AGT: variants seen among roughly 807,000 people sequenced by gnomAD.
The protein encoded by AGT is alpha-1 antiproteinase, antitrypsin.
In AGT, 26 loss-of-function variants were observed where a neutral mutation model predicts 28.1. The observed-to-expected ratio is 0.92, with a 90% CI of 0.68 to 1.28. The LOEUF is 1.28. AGT is among the 50% of genes most tolerant of loss of function. AGT has a pLI of 0.00. For missense variants in AGT, 596 were observed against 592.3 expected (o/e 1.01, Z -0.06); for synonymous variants, 259 against 259.6 (o/e 1.00, Z 0.02).
chr1:230,740,425 C>G (rs1664227670), intron 1 of AGT, among the ~76,000 whole-genome samples: 1 of 152,126 alleles, frequency 6.6e-6, no homozygotes, highest in South Asian at 2.1e-4. Context: ...CTTATTTTAC[C>G]CAACCCCTAT....
chr1:230,710,668 C>T lies in AGT; in HGVS notation c.156G>A (p.Lys52=), dbSNP rs773840793. The T allele has an allele frequency of 6.2e-7, 1 of 1,614,128 alleles. No individual in the cohort carries two copies. The highest frequency in any genetic ancestry group is 2.2e-5 in the East Asian group (1 of 44,884). The change falls in exon 2 of 5, where the codon AAG becomes AAA. Residue 52 remains lysine (K), a synonymous_variant. Coordinates refer to ENST00000366667, the MANE Select transcript of AGT (RefSeq NM_001384479.1). ...CAGGTATGAAGGTGGGGTCTTTGGG[C>T]TTCCCGGCATTGGCCTTTGCCAGCT... ...CEQLAKANAG[K]PKDPTFIPAP...
chr1:230,703,896 G>T lies in AGT; in HGVS notation c.1242+297C>A, dbSNP rs552275344. On this transcript the variant is annotated intron_variant, in intron 4 of 4. Transcript: ENST00000366667. Reference sequence around the variant, plus strand: ...AGGGGTGCTTGCTGTCTTCATCCCGGTTTCAACTCCACTATAGGAACCCTG... The same window carrying T: ...AGGGGTGCTTGCTGTCTTCATCCCGTTTTCAACTCCACTATAGGAACCCTG... 3.2e-4 allele frequency among the ~76,000 whole-genome samples: 48 copies of T among 152,284 alleles called. 1 individual carries two copies. The highest frequency in any genetic ancestry group is 9.8e-4 in the Admixed American group (15 of 15,302).
In AGT at chr1:230,705,920, G is replaced by T. The variant is rs764728122; in HGVS notation, c.1097+13C>A. 2 of 1,613,828 alleles carry T rather than the reference G, an allele frequency of 1.2e-6. No individual in the cohort carries two copies. Among genetic ancestry groups the T allele is most frequent in the Non-Finnish European group, 1.7e-6 (2 of 1,179,846 alleles). On this transcript the variant is annotated intron_variant, in intron 3 of 4. Coordinates refer to ENST00000366667, the MANE Select transcript of AGT (RefSeq NM_001384479.1). ...TGGCTCCCACATTCCAGGGGAGACC[G>T]GGAGGCTCCTACCGGGGAGATAGTT...
intron 1 of AGT, among the ~76,000 whole-genome samples, chr1:230,725,359 G>C (rs1571984102): frequency 6.6e-6 from 1 of 152,154 alleles, no homozygotes; most frequent in Non-Finnish European, 1.5e-5. Context: ...TCAGTAGAGG[G>C]AAGGACCATG....
intron 1 of AGT, among the ~76,000 whole-genome samples, chr1:230,711,350 G>A (rs1327326916): frequency 6.6e-6 from 1 of 152,110 alleles, no homozygotes; most frequent in African/African-American, 2.4e-5. Context: ...AGGACCCAGA[G>A]GAAACCAACT....
intron 2 of AGT, 62 bp from the exon 3 acceptor site, chr1:230,706,262 C>A: frequency 6.4e-7 from 1 of 1,571,832 alleles, no homozygotes; most frequent in Non-Finnish European, 8.7e-7. Context: ...GGAATGAGGG[C>A]TGGCAGACAC....
upstream of AGT, among the ~76,000 whole-genome samples, chr1:230,718,538 C>G (rs1001037488): frequency 7.2e-5 from 11 of 151,828 alleles, no homozygotes; most frequent in Admixed American, 1.3e-4. Flanking sequence ...CCTCCCTGCT[C>G]TCCTCCTCAA....
intron 1 of AGT, among the ~76,000 whole-genome samples, chr1:230,723,930 A>G (rs1663891220): frequency 6.6e-6 from 1 of 152,238 alleles, no homozygotes; most frequent in Admixed American, 6.5e-5. Flanking sequence ...TCCAATGTAC[A>G]TTCCAGGAGC....
chr1:230,727,907 A>G (rs1366593559), intron 1 of AGT, among the ~76,000 whole-genome samples: 2 of 152,200 alleles, frequency 1.3e-5, no homozygotes, highest in Non-Finnish European at 2.9e-5. Flanking sequence ...TGCAATAGAG[A>G]AAGAGTTTTA....
Position 230,704,270 on chromosome 1 carries a change from G to C in AGT, c.1165C>G (p.Gln389Glu). The change falls in exon 4 of 5, where the codon CAG becomes GAG. Residue 389 changes from glutamine (Q) to glutamate (E), a missense_variant. Physicochemically the swap from Gln to Glu is conservative, Grantham distance 29. Transcript: ENST00000366667. Reference protein sequence around the residue: ...GSYDLQDLLAQAELPAILHTE... With the variant: ...GSYDLQDLLAEAELPAILHTE... ...TGCAGAATGGCGGGCAGCTCAGCCT[G>C]GGCGAGCAGGTCCTGCAGGTCATAA... 6.2e-7 allele frequency: 1 copy of C among 1,614,260 alleles called. No individual in the cohort carries two copies. Among genetic ancestry groups the C allele is most frequent in the Non-Finnish European group, 8.5e-7 (1 of 1,180,052 alleles).
At chr1:230,725,932 G>A (rs775507378) in intron 1 of AGT, among the ~76,000 whole-genome samples, 1 of 151,810 alleles carries the variant, frequency 6.6e-6, no homozygotes, top group East Asian at 2.0e-4. Context: ...ATCATGAAGA[G>A]AAGTGCCCAC....
intron 1 of AGT, among the ~76,000 whole-genome samples, chr1:230,737,717 T>C (rs1004914258): frequency 6.6e-5 from 10 of 152,234 alleles, no homozygotes; most frequent in African/African-American, 2.4e-4. Context: ...TTTATCTTTT[T>C]AAGATAGCTT....
At chr1:230,711,235 G>T (rs1663580940) in intron 1 of AGT, among the ~76,000 whole-genome samples, 1 of 152,120 alleles carries the variant, frequency 6.6e-6, no homozygotes, top group African/African-American at 2.4e-5. Flanking sequence ...ATGAGAAGAG[G>T]AGATGAGGAC....
intron 1 of AGT, among the ~76,000 whole-genome samples, chr1:230,734,265 A>T (rs1382115707): frequency 1.3e-5 from 2 of 152,196 alleles, no homozygotes; most frequent in Non-Finnish European, 1.5e-5. Flanking sequence ...TGAAGACATT[A>T]TGCTAAGTAA....
chr1:230,734,083 AC>A (rs1459393718), intron 1 of AGT, among the ~76,000 whole-genome samples: 1 of 152,132 alleles, frequency 6.6e-6, no homozygotes, highest in Non-Finnish European at 1.5e-5. Flanking sequence ...CCTGGCACAT[AC>A]TGGAGTTTGT....
Position 230,729,254 on chromosome 1 carries a change from C to T in AGT, c.-31+16261G>A, listed in dbSNP as rs901131120. On this transcript the variant is annotated intron_variant, in intron 1 of 4. Coordinates refer to the AGT transcript ENST00000681269. ...CAGCCTGTTGGCGCCAAACAGCCTC[C>T]AGCCCTAATTGCTCTTCCTAGCTCC... 2.0e-5 allele frequency among the ~76,000 whole-genome samples: 3 copies of T among 152,204 alleles called. No homozygotes were observed. In the South Asian group the frequency reaches 6.2e-4, roughly 32 times the overall value.
In AGT at chr1:230,733,942, A is replaced by T. The variant is rs112403547; in HGVS notation, c.-31+11573T>A. ...ACCCAAGAGGCCGGGCCCAGATGAC[A>T]GTCCAGGCTCCACCTTTGTGATGCA... is the stretch of plus-strand genomic sequence containing the variant. On this transcript the variant is annotated intron_variant, in intron 1 of 4. Transcript: ENST00000681269. 1.6e-3 allele frequency among the ~76,000 whole-genome samples: 247 copies of T among 152,288 alleles called. 3 individuals carry two copies. Among genetic ancestry groups the T allele is most frequent in the African/African-American group, 5.8e-3 (240 of 41,574 alleles).
intron 1 of AGT, among the ~76,000 whole-genome samples, chr1:230,712,432 C>A (rs935324699): frequency 6.6e-6 from 1 of 152,144 alleles, no homozygotes; most frequent in African/African-American, 2.4e-5. Flanking sequence ...TGACTCCATC[C>A]GCTGTTCTCA....
chr1:230,704,086 G>C, intron 4 of AGT, 107 bp downstream of exon 4: 3 of 1,553,768 alleles, frequency 1.9e-6, no homozygotes, highest in Non-Finnish European at 2.7e-6. Flanking sequence ...GCTCCCTCTT[G>C]CCCTGCTGGC....
Sources: allele counts gnomAD v4.1 joint callset (sites outside exome capture counted in the v4.1 genomes callset), GRCh38; gene constraint gnomAD v4.1.1; transcripts MANE v1.5; gene names NCBI Gene and HGNC (gene_info 2026-07-23, HGNC 2026-07-21).